ZNF701: variants seen among roughly 807,000 people sequenced by gnomAD.
ZNF701 encodes the protein zinc finger protein 701.
ZNF701 carries 6 observed loss-of-function variants against 7.1 expected under a neutral mutation model. The ratio of observed to expected loss-of-function variants is 0.84; its 90% CI spans 0.46 to 1.66. The LOEUF is 1.66. ZNF701 is among the 40% of genes most tolerant of loss of function. ZNF701 has a pLI of 0.01. For synonymous variants in ZNF701, 166 were observed against 188.2 expected, an observed-to-expected ratio of 0.88 and a Z score of 0.97; for missense variants, 541 against 559.2, an observed-to-expected ratio of 0.97 and a Z score of 0.33.
chr19:52,579,874 A>AAAATAAATAAAT (rs78296394), intron 3 of ZNF701, among the ~76,000 whole-genome samples: 10 of 135,092 alleles, frequency 7.4e-5, no homozygotes, highest in Admixed American at 1.4e-4. Flanking sequence ...ACTCCATCTC[A>AAAATAAATAAAT]AAATAAATAA....
Position 52,583,931 on chromosome 19 carries a change from C to A in ZNF701, c.*474C>A. The A allele has an allele frequency of 5.2e-6, 2 of 383,326 alleles. No homozygotes were observed. The highest frequency in any genetic ancestry group is 5.3e-6 in the Non-Finnish European group (1 of 189,824). The allele number at this position is 383,326 out of a possible 1,614,324, so 23.7% of individuals were successfully genotyped here. ...TCATTCATAACTTGCAGTTCATTGG[C>A]GATCTTATACAGGAGAGAAATCTTA... On this transcript the variant is annotated 3_prime_UTR_variant, in exon 4 of 4. Coordinates refer to ENST00000391785, the MANE Select transcript of ZNF701 (RefSeq NM_018260.3).
intron 1 of ZNF701, chr19:52,572,393 C>A: frequency 7.8e-7 from 1 of 1,287,922 alleles, no homozygotes; most frequent in Non-Finnish European, 1.0e-6. Context: ...CTTTGTACAT[C>A]TGCATTTTAT....
In ZNF701 at chr19:52,578,826, C is replaced by G. The variant is rs550352313; in HGVS notation, c.142+2805C>G. On this transcript the variant is annotated intron_variant, in intron 3 of 3. Coordinates refer to ENST00000391785, the MANE Select transcript of ZNF701 (RefSeq NM_018260.3). The stretch of plus-strand genomic sequence containing the variant: ...AGGCTGGAGTGCAGTGGTGCGATCT[C>G]GGCTCACTGCAAGCTCCACCTCCCG... 2.8e-3 allele frequency among the ~76,000 whole-genome samples: 422 copies of G among 152,230 alleles called. 1 individual carries two copies. The highest frequency in any genetic ancestry group is 4.4e-3 in the Non-Finnish European group (301 of 68,022).
intron 3 of ZNF701, among the ~76,000 whole-genome samples, chr19:52,580,560 A>T (rs2059969270): frequency 6.6e-6 from 1 of 152,106 alleles, no homozygotes; most frequent in African/African-American, 2.4e-5. Flanking sequence ...TGCTGTGTAT[A>T]GTTTTGACCT....
At chr19:52,593,082 G>C in the ZNF701 span, among the ~76,000 whole-genome samples, 1 of 117,950 alleles carries the variant, frequency 8.5e-6, no homozygotes, top group Non-Finnish European at 1.8e-5. Context: ...GTTTCAGAGA[G>C]CACAGGGTTG....
chr19:52,589,478 CT>C (rs11414668), downstream of ZNF701, among the ~76,000 whole-genome samples: 84 of 138,680 alleles, frequency 6.1e-4, no homozygotes, highest in South Asian at 1.8e-3. Context: ...CACATGCCTG[CT>C]TTTTTTTTTT....
chr19:52,578,072 GT>G (rs2059947494), intron 3 of ZNF701, among the ~76,000 whole-genome samples: 1 of 151,748 alleles, frequency 6.6e-6, no homozygotes, highest in Non-Finnish European at 1.5e-5. Context: ...GGCTAACATG[GT>G]GAAACCCCGT....
At chr19:52,582,110 A>G in intron 3 of ZNF701, 92 bp from the exon 4 acceptor site, 1 of 1,161,074 alleles carries the variant, frequency 8.6e-7, no homozygotes, top group Non-Finnish European at 1.2e-6. Context: ...GAAGTTTAAA[A>G]TAAGTATTGT....
the ZNF701 span, chr19:52,597,093 T>C: frequency 8.9e-6 from 10 of 1,120,328 alleles, no homozygotes; most frequent in South Asian, 9.6e-5. Context: ...ATCTTACAAG[T>C]GTAATAAATG....
intron 3 of ZNF701, among the ~76,000 whole-genome samples, chr19:52,579,451 C>T (rs1250044626): frequency 5.3e-5 from 6 of 114,190 alleles, no homozygotes; most frequent in East Asian, 2.8e-4. Context: ...ACCTGGGAGG[C>T]GGGGGTTGCA....
In ZNF701 at chr19:52,571,143, G is replaced by A. The variant is rs919756678; in HGVS notation, c.-72+813G>A. On this transcript the variant is annotated intron_variant, in intron 1 of 3. Coordinates refer to ENST00000391785, the MANE Select transcript of ZNF701 (RefSeq NM_018260.3). ...AGAAAGCAGGAGGAGAAAAGCAACT[G>A]GAGAAATGTAGAGAAAAGCTAGATG... 3.3e-5 allele frequency among the ~76,000 whole-genome samples: 5 copies of A among 151,972 alleles called. No individual in the cohort carries two copies. The East Asian group carries it at 5.8e-4, about 18-fold the overall frequency.
Position 52,585,103 on chromosome 19 carries a change from CT to C in ZNF701, c.*1650del, listed in dbSNP as rs1399892935. ...CGGGTGGGAGTCCGTGAGTCTTTTC[CT>C]TTTGAGTTTAAAGTCGCCCTGAGGC... is the stretch of plus-strand genomic sequence containing the variant. On this transcript the variant is annotated 3_prime_UTR_variant, in exon 4 of 4. Transcript: ENST00000391785. The C allele has an allele frequency of 6.6e-6, 1 of 152,242 alleles. No homozygotes were observed. Among genetic ancestry groups the C allele is most frequent in the Non-Finnish European group, 1.5e-5 (1 of 68,074 alleles). 9.4% of individuals were successfully genotyped at this position (152,242 alleles called of 1,614,324 possible). A position where few individuals can be genotyped will look rare whatever the true frequency, so the allele number is the denominator to read the frequency against.
chr19:52,598,611 A>T, the ZNF701 span: 1 of 152,150 alleles, frequency 6.6e-6, no homozygotes, highest in South Asian at 2.1e-4. Flanking sequence ...TTCATATTTC[A>T]TGGAAATAAA....
rs1331912520 is a variant in ZNF701 at position 52,585,191 on chromosome 19, C to T, written c.*1734C>T. 8 of 152,438 alleles carry T rather than the reference C, an allele frequency of 5.2e-5. No individual in the cohort carries two copies. The East Asian group carries it at 7.7e-4, about 15-fold the overall frequency. 9.4% of individuals were successfully genotyped at this position (152,438 alleles called of 1,614,324 possible). A position where few individuals can be genotyped will look rare whatever the true frequency, so the allele number is the denominator to read the frequency against. ...CAGACACCTCCTGTAGCGAAACTTT[C>T]CTTCTCAAAACCCTTCCCGACCCGT... On this transcript the variant is annotated 3_prime_UTR_variant, in exon 4 of 4. Transcript: ENST00000391785.
At chr19:52,596,851 T>C in the ZNF701 span, 2 of 547,942 alleles carry the variant, frequency 3.7e-6, no homozygotes, top group Admixed American at 1.9e-5. Context: ...GACTTCATAC[T>C]GTCTAAGGTT....
In ZNF701 at chr19:52,585,276, C is replaced by CTTCCAGCCTTGCCG. The variant is rs1555774366; in HGVS notation, c.*1820_*1821insTCCAGCCTTGCCGT. The stretch of plus-strand genomic sequence containing the variant: ...CGAGTTGGACTCTCGCCCTGGGCTC[C>CTTCCAGCCTTGCCG]TCATCGGCGCCTGGAGGGCAGCGCT... On this transcript the variant is annotated 3_prime_UTR_variant, in exon 4 of 4. Coordinates refer to ENST00000391785, the MANE Select transcript of ZNF701 (RefSeq NM_018260.3). 1 of 152,002 alleles carries CTTCCAGCCTTGCCG rather than the reference C, an allele frequency of 6.6e-6. No individual in the cohort carries two copies. The highest frequency in any genetic ancestry group is 1.5e-5 in the Non-Finnish European group (1 of 68,144). 9.4% of individuals were successfully genotyped at this position (152,002 alleles called of 1,614,324 possible). A position where few individuals can be genotyped will look rare whatever the true frequency, so the allele number is the denominator to read the frequency against.
rs1372870224 is a variant in ZNF701 at position 52,584,084 on chromosome 19, A to G, written c.*627A>G. The G allele has an allele frequency of 6.9e-6, 3 of 434,154 alleles. No homozygotes were observed. The highest frequency in any genetic ancestry group is 1.4e-5 in the Non-Finnish European group (3 of 212,562). 26.9% of individuals were successfully genotyped at this position (434,154 alleles called of 1,614,324 possible). A position where few individuals can be genotyped will look rare whatever the true frequency, so the allele number is the denominator to read the frequency against. On this transcript the variant is annotated 3_prime_UTR_variant, in exon 4 of 4. Coordinates refer to ENST00000391785, the MANE Select transcript of ZNF701 (RefSeq NM_018260.3). ...AAAGCCTTTACTTCACGTTCACACC[A>G]CATTAGATATCAGAGGATCCATACT...
chr19:52,596,083 A>G, the ZNF701 span: 1 of 1,183,450 alleles, frequency 8.4e-7, no homozygotes, highest in African/African-American at 1.5e-5. Flanking sequence ...TATTCACACA[A>G]ATACAAGAAG....
intron 1 of ZNF701, chr19:52,572,715 G>A (rs988938855): frequency 5.7e-6 from 2 of 349,142 alleles, no homozygotes; most frequent in Admixed American, 4.2e-5. Context: ...TGGGCTTCCT[G>A]TGTTCCCCAG....
Sources: allele counts gnomAD v4.1 joint callset (sites outside exome capture counted in the v4.1 genomes callset), GRCh38; gene constraint gnomAD v4.1.1; transcripts MANE v1.5; gene names NCBI Gene and HGNC (gene_info 2026-07-23, HGNC 2026-07-21).